SYNE2: variants seen among roughly 807,000 people sequenced by gnomAD.
SYNE2 encodes the protein nesprin-2.
In SYNE2, 431 loss-of-function variants were observed where a neutral mutation model predicts 856.3. The ratio of observed to expected loss-of-function variants is 0.50; its 90% CI spans 0.47 to 0.55. The LOEUF (loss-of-function observed/expected upper bound fraction) is 0.55, where lower values mean the gene tolerates loss of function less well. Among genes scored for constraint, SYNE2 ranks in the 20% least tolerant of loss-of-function variants. The pLI is 0.00. For synonymous variants in SYNE2, 2,923 were observed against 2,872.3 expected, an observed-to-expected ratio of 1.02 and a Z score of -0.56; for missense variants, 8,129 against 8,023.2, an observed-to-expected ratio of 1.01 and a Z score of -0.50.
At chr14:64,178,781 C>T (rs780339646) in intron 96 of SYNE2, among the ~76,000 whole-genome samples, 6 of 152,110 alleles carry the variant, frequency 3.9e-5, no homozygotes, top group African/African-American at 1.4e-4. Context: ...TGTTTTTAAA[C>T]GTTATATGGC....
chr14:64,202,851 A>T lies in SYNE2; in HGVS notation c.18089A>T (p.Asn6030Ile). The part of the protein sequence containing the change: ...TFAFIQQLDK[N>I]MSNLRTWLAR... Reference sequence around the variant, plus strand: ...GCTTTTATTCAGCAGTTGGACAAAAACATGAGCAACCTTCGCACCTGGTTG... The same window carrying T: ...GCTTTTATTCAGCAGTTGGACAAAATCATGAGCAACCTTCGCACCTGGTTG... Residue 6030 changes from asparagine to isoleucine, a missense_variant, in exon 100 of 116, where the codon AAC (asparagine) becomes ATC (isoleucine). Around this residue, in one of 3 missense-constraint regions of SYNE2, gnomAD observed 5,410 missense variants for 5,284.8 expected, o/e 1.02. Transcript: ENST00000555002. The T allele has an allele frequency of 1.2e-6, 2 of 1,614,188 alleles. No homozygotes were observed. Among genetic ancestry groups the T allele is most frequent in the Non-Finnish European group, 1.7e-6 (2 of 1,180,036 alleles).
intron 59 of SYNE2, among the ~76,000 whole-genome samples, chr14:64,090,546 C>G (rs139973370): frequency 1.1e-4 from 16 of 152,238 alleles, no homozygotes; most frequent in South Asian, 4.2e-4. Flanking sequence ...CAGTACCTGC[C>G]CTTACATTGC....
intron 1 of SYNE2, among the ~76,000 whole-genome samples, chr14:63,768,423 T>C (rs1886770372): frequency 6.6e-6 from 1 of 152,192 alleles, no homozygotes; most frequent in South Asian, 2.1e-4. Context: ...TAAAACTTGT[T>C]TGATGCCTTA....
chr14:63,909,059 G>C, intron 1 of SYNE2, 39 bp from the exon 2 acceptor site: 3 of 984,836 alleles, frequency 3.0e-6, no homozygotes, highest in Non-Finnish European at 4.9e-6. Context: ...AAACAGAGCT[G>C]CAAAGTTACT....
chr14:64,104,713 A>G (rs1223905320), intron 64 of SYNE2, among the ~76,000 whole-genome samples: 1 of 152,022 alleles, frequency 6.6e-6, no homozygotes, highest in Non-Finnish European at 1.5e-5. Context: ...GGCCTCCCAA[A>G]GTGCTGGGAT....
Position 63,981,001 on chromosome 14 carries a change from A to C in SYNE2, c.1664A>C (p.Asn555Thr). The change falls in exon 16 of 116, where the codon AAT becomes ACT. Residue 555 changes from asparagine to threonine, a missense_variant. Physicochemically the swap from Asn to Thr is moderately conservative, Grantham distance 65. Coordinates refer to ENST00000555002, the MANE Select transcript of SYNE2 (RefSeq NM_182914.3). ...IYKNLAGECQ[N>T]INKQYMMVKS... ...AATATTGTAGCTGGAGAATGTCAGA[A>C]TATTAATAAACAGTATATGATGGTG... 1 of 1,559,016 alleles carries C rather than the reference A, an allele frequency of 6.4e-7. No individual in the cohort carries two copies. The highest frequency in any genetic ancestry group is 8.8e-7 in the Non-Finnish European group (1 of 1,135,664).
upstream of SYNE2, among the ~76,000 whole-genome samples, chr14:63,852,629 C>G (rs1890638184): frequency 6.6e-6 from 1 of 152,178 alleles, no homozygotes; most frequent in Non-Finnish European, 1.5e-5. Flanking sequence ...TAGCTAATCG[C>G]AGATCTGCTC....
chr14:64,142,428 A>C (rs1047586099), intron 82 of SYNE2, among the ~76,000 whole-genome samples: 2 of 152,098 alleles, frequency 1.3e-5, no homozygotes, highest in African/African-American at 4.8e-5. Context: ...CTCCCTTATC[A>C]TCCTGTGTAC....
chr14:64,195,770 A>G (rs1213785654), intron 99 of SYNE2, among the ~76,000 whole-genome samples: 1 of 152,200 alleles, frequency 6.6e-6, no homozygotes, highest in Non-Finnish European at 1.5e-5. Context: ...GGTTTTCTGG[A>G]ACACCAAACA....
At position 64,141,529 on chromosome 14, in the gene SYNE2, T is replaced by C; in HGVS notation, c.15159+6T>C. ...TTCAAGAAAAACTTCACCAGGTAAG[T>C]CTTTAGAGCCTCAGCATTTGAATTA... On this transcript the variant is annotated splice_donor_region_variant and intron_variant, in intron 81 of 115. Transcript: ENST00000555002. 6.2e-7 allele frequency: 1 copy of C among 1,613,490 alleles called. No individual in the cohort carries two copies. Among genetic ancestry groups the C allele is most frequent in the Admixed American group, 1.7e-5 (1 of 60,014 alleles).
intron 87 of SYNE2, 104 bp from the exon 88 acceptor site, chr14:64,161,968 A>G: frequency 8.1e-7 from 1 of 1,234,008 alleles, no homozygotes. Context: ...GTGTCTTCTT[A>G]ATGATCCATC....
intron 99 of SYNE2, among the ~76,000 whole-genome samples, chr14:64,199,567 A>C (rs1466687387): frequency 2.0e-5 from 3 of 151,990 alleles, no homozygotes; most frequent in African/African-American, 7.3e-5. Context: ...AAAATACAAA[A>C]ATTAGCTGAG....
Position 64,021,958 on chromosome 14 carries a change from T to C in SYNE2, c.5454T>C (p.Tyr1818=), listed in dbSNP as rs2096938806. The change falls in exon 37 of 116, where the codon TAT becomes TAC. Residue 1818 remains tyrosine (Y), a synonymous_variant. Coordinates refer to ENST00000555002, the MANE Select transcript of SYNE2 (RefSeq NM_182914.3). ...AACTCTCTGAATTGAAAAAGCAATA[T>C]GAAAGTGTCAGTGATTTATTTAATA... ...TPELSELKKQ[Y]ESVSDLFNTK... is the part of the protein sequence containing the mutation. The C allele has an allele frequency of 6.2e-7, 1 of 1,613,916 alleles. No individual in the cohort carries two copies. The highest frequency in any genetic ancestry group is 1.3e-5 in the African/African-American group (1 of 75,048).
chr14:63,968,303 G>T (rs184704577), intron 11 of SYNE2, among the ~76,000 whole-genome samples: 1 of 152,236 alleles, frequency 6.6e-6, no homozygotes, highest in Non-Finnish European at 1.5e-5. Flanking sequence ...TTTCTCCATG[G>T]CATCATTTGG....
chr14:63,933,640 G>A (rs1409418605), intron 2 of SYNE2, among the ~76,000 whole-genome samples: 4 of 152,198 alleles, frequency 2.6e-5, no homozygotes, highest in African/African-American at 9.6e-5. Context: ...CCTACATTAT[G>A]TATATATATT....
At chr14:63,891,943 A>AG (rs2095141905) in intron 1 of SYNE2, among the ~76,000 whole-genome samples, 3 of 152,326 alleles carry the variant, frequency 2.0e-5, no homozygotes, top group Non-Finnish European at 2.9e-5. Context: ...TGCATGTGAA[A>AG]GCATCCCTGC....
chr14:64,090,643 C>T lies in SYNE2; in HGVS notation c.11794-223C>T, dbSNP rs548583342. On this transcript the variant is annotated intron_variant, in intron 59 of 115. Transcript: ENST00000555002. The stretch of plus-strand genomic sequence containing the variant: ...AAAGGAAGAAAAAGTTGTCCAAATG[C>T]GTAATTTAGTATTGGTAGGTTACTC... 3.3e-5 allele frequency among the ~76,000 whole-genome samples: 5 copies of T among 152,248 alleles called. No individual in the cohort carries two copies. The South Asian group carries it at 6.2e-4, about 19-fold the overall frequency.
At chr14:63,773,509 A>T (rs146696170) in intron 1 of SYNE2, among the ~76,000 whole-genome samples, 1 of 152,152 alleles carries the variant, frequency 6.6e-6, no homozygotes, top group South Asian at 2.1e-4. Context: ...CTAATACGCT[A>T]CATTTTTTAA....
intron 8 of SYNE2, among the ~76,000 whole-genome samples, chr14:63,956,036 A>G (rs943768710): frequency 4.6e-5 from 7 of 152,232 alleles, no homozygotes; most frequent in Admixed American, 2.6e-4. Context: ...GCTATTCGCA[A>G]TGCAACTAAC....
Sources: gnomAD v4.1 joint callset for allele counts (sites outside exome capture counted in the v4.1 genomes callset) on GRCh38, gnomAD v4.1.1 for gene constraint, gnomAD v4.1.1 regional missense constraint, MANE v1.5 for transcripts, NCBI Gene and HGNC (gene_info 2026-07-23, HGNC 2026-07-21) for gene names.